ADD3: variants seen among roughly 807,000 people sequenced by gnomAD.
ADD3 encodes the protein adducin 3, also known as gamma-adducin.
In ADD3, 25 loss-of-function variants were observed where a neutral mutation model predicts 80.2. The ratio of observed to expected loss-of-function variants is 0.31; its 90% CI spans 0.23 to 0.44. ADD3 has a LOEUF of 0.44. Ranked by LOEUF, ADD3 falls within the 20% of genes least tolerant of loss-of-function variation. ADD3 has a pLI of 1.00. For synonymous variants in ADD3, 284 were observed against 289.6 expected (o/e 0.98, Z 0.20); for missense variants, 829 against 847.5 (o/e 0.98, Z 0.27).
chr10:110,093,902 C>G (rs1311241356), intron 1 of ADD3, among the ~76,000 whole-genome samples: 2 of 152,062 alleles, frequency 1.3e-5, no homozygotes, highest in Non-Finnish European at 2.9e-5. Flanking sequence ...TCTTATTGTA[C>G]TATATTCGCC....
chr10:110,006,363 A>AC (rs763864694), upstream of ADD3, among the ~76,000 whole-genome samples: 2 of 152,190 alleles, frequency 1.3e-5, no homozygotes, highest in Non-Finnish European at 2.9e-5. Context: ...ATTCATAAAA[A>AC]GGCTAACCTT....
At chr10:110,133,010 A>G (rs1007499507) in intron 14 of ADD3, among the ~76,000 whole-genome samples, 9 of 152,246 alleles carry the variant, frequency 5.9e-5, no homozygotes, top group Middle Eastern at 3.4e-3. Context: ...TTGATTGCCA[A>G]ATGATCCCAA....
intron 1 of ADD3, among the ~76,000 whole-genome samples, chr10:110,054,439 C>CTTT (rs36097209): frequency 1.2e-5 from 1 of 80,880 alleles, no homozygotes; most frequent in African/African-American, 4.0e-5. Context: ...CCAGTTTTCT[C>CTTT]TTTTTTTTTT....
At chr10:110,097,318 GAAAGAACATGGTATAC>G (rs1421019504) in intron 1 of ADD3, among the ~76,000 whole-genome samples, 3 of 152,100 alleles carry the variant, frequency 2.0e-5, no homozygotes, top group Admixed American at 6.5e-5. Context: ...CTTTGGTGAG[GAAAGAACATGGTATAC>G]TATAAAATTC....
chr10:110,074,980 T>C (rs558325399), intron 1 of ADD3, among the ~76,000 whole-genome samples: 1 of 152,224 alleles, frequency 6.6e-6, no homozygotes, highest in Non-Finnish European at 1.5e-5. Context: ...CAGGCGTGTA[T>C]GTGAGTGCCA....
At position 109,997,920 on chromosome 10, in the gene ADD3, G is replaced by A. The variant is rs532019648; in HGVS notation, n.79+1474G>A. On this transcript the variant is annotated intron_variant and non_coding_transcript_variant, in intron 1 of 5. Coordinates refer to the ADD3 transcript ENST00000468251. ...TTTTAATAACGATCTAAATCCGGGC[G>A]GTTTTCATGTACACTTAAATTTGAG... Among the ~76,000 whole-genome samples, 39 of 152,154 alleles carry A rather than the reference G, an allele frequency of 2.6e-4. 1 individual carries two copies. Among genetic ancestry groups the A allele is most frequent in the East Asian group, 3.9e-4 (2 of 5,178 alleles).
At chr10:110,084,640 G>C (rs972250666) in intron 1 of ADD3, among the ~76,000 whole-genome samples, 3 of 152,166 alleles carry the variant, frequency 2.0e-5, no homozygotes, top group Admixed American at 2.0e-4. Context: ...AAATGAGGTA[G>C]AATAAGATTT....
rs545659723 is a variant in ADD3 at position 110,049,419 on chromosome 10, C to T, written c.-30+41120C>T. Reference sequence around the variant, plus strand: ...TGGTAGATCCACTGACAGCTTGCACCGTGTGCCTGGAAAAGCCACAGACAC... The same window carrying T: ...TGGTAGATCCACTGACAGCTTGCACTGTGTGCCTGGAAAAGCCACAGACAC... On this transcript the variant is annotated intron_variant, in intron 1 of 14. Coordinates refer to ENST00000356080, the MANE Select transcript of ADD3 (RefSeq NM_016824.5). Among the ~76,000 whole-genome samples, 223 of 152,288 alleles carry T rather than the reference C, an allele frequency of 1.5e-3. 2 individuals are homozygous for T. The highest frequency in any genetic ancestry group is 4.3e-3 in the African/African-American group (177 of 41,554).
At chr10:110,045,793 G>A (rs942612955) in intron 1 of ADD3, among the ~76,000 whole-genome samples, 1 of 151,996 alleles carries the variant, frequency 6.6e-6, no homozygotes, top group Non-Finnish European at 1.5e-5. Flanking sequence ...AACATAAAAA[G>A]GCAGTATTAA....
Position 110,089,735 on chromosome 10 carries a change from G to A in ADD3, c.-29-10890G>A, listed in dbSNP as rs1284405674. 3.3e-5 allele frequency among the ~76,000 whole-genome samples: 5 copies of A among 150,994 alleles called. No homozygotes were observed. In the East Asian group the frequency reaches 7.7e-4, roughly 23 times the overall value. On this transcript the variant is annotated intron_variant, in intron 1 of 14. Coordinates refer to ENST00000356080, the MANE Select transcript of ADD3 (RefSeq NM_016824.5). ...TATGATATATGTTTATAATATATAT[G>A]ATATATATATAAAATCAGTTTCATA...
chr10:110,096,727 T>C (rs950500570), intron 1 of ADD3, among the ~76,000 whole-genome samples: 2 of 152,176 alleles, frequency 1.3e-5, no homozygotes, highest in African/African-American at 4.8e-5. Context: ...CCACATTGTT[T>C]TAGTCAAAGC....
At chr10:110,102,062 G>A (rs1848873009) in intron 2 of ADD3, among the ~76,000 whole-genome samples, 1 of 152,154 alleles carries the variant, frequency 6.6e-6, no homozygotes, top group African/African-American at 2.4e-5. Flanking sequence ...AGTGGCCTCG[G>A]TGAAAGCATT....
intron 1 of ADD3, among the ~76,000 whole-genome samples, chr10:110,073,133 G>GTTTTTTTTTTTTTTTTTTTTTT (rs1443878675): frequency 1.9e-5 from 2 of 106,490 alleles, no homozygotes; most frequent in Non-Finnish European, 3.7e-5. Flanking sequence ...TTGAGTTTTA[G>GTTTTTTTTTTTTTTTTTTTTTT]TTTTCTTTTT....
At chr10:110,093,102 G>T (rs1964919) in intron 1 of ADD3, among the ~76,000 whole-genome samples, 6 of 152,044 alleles carry the variant, frequency 3.9e-5, no homozygotes, top group Non-Finnish European at 5.9e-5. Flanking sequence ...CAAGTAATCC[G>T]CCCACCTTGG....
chr10:110,052,319 G>T (rs111538337), intron 1 of ADD3, among the ~76,000 whole-genome samples: 1 of 152,152 alleles, frequency 6.6e-6, no homozygotes, highest in Non-Finnish European at 1.5e-5. Context: ...CCTGCCAGGG[G>T]TTCCCATTCC....
chr10:110,097,147 CT>C (rs1214005884), intron 1 of ADD3, among the ~76,000 whole-genome samples: 1 of 152,110 alleles, frequency 6.6e-6, no homozygotes, highest in East Asian at 1.9e-4. Flanking sequence ...ACCTCTGTTA[CT>C]TTGAGTTTTG....
intron 1 of ADD3, among the ~76,000 whole-genome samples, chr10:110,009,156 T>G (rs1417817204): frequency 2.0e-5 from 3 of 152,224 alleles, no homozygotes; most frequent in Non-Finnish European, 4.4e-5. Context: ...GCACATGTGC[T>G]GTTGCAATTA....
intron 1 of ADD3, among the ~76,000 whole-genome samples, chr10:110,042,523 A>G (rs1273610052): frequency 6.6e-6 from 1 of 152,176 alleles, no homozygotes; most frequent in African/African-American, 2.4e-5. Flanking sequence ...AACAACACTC[A>G]TGATTTTTAA....
chr10:110,024,747 G>T (rs557686782), intron 1 of ADD3, among the ~76,000 whole-genome samples: 1 of 152,224 alleles, frequency 6.6e-6, no homozygotes, highest in East Asian at 1.9e-4. Context: ...AAGCAAGAAT[G>T]ATTTTATTGG....
Sources: gnomAD v4.1 joint callset for allele counts (sites outside exome capture counted in the v4.1 genomes callset) on GRCh38, gnomAD v4.1.1 for gene constraint, MANE v1.5 for transcripts, NCBI Gene and HGNC (gene_info 2026-07-23, HGNC 2026-07-21) for gene names.